The following EEIG1 variants were observed in gnomAD, a reference collection of about 807,000 sequenced individuals.
EEIG1 encodes early estrogen-induced gene 1 protein.
At chr9:127,974,540 T>G in the EEIG1 span, among the ~76,000 whole-genome samples, 1 of 152,220 alleles carries the variant, frequency 6.6e-6, no homozygotes, top group African/African-American at 2.4e-5. Context: ...AAGCTCTCCC[T>G]AACTCAGTGA....
the EEIG1 span, chr9:127,948,487 T>A: frequency 6.7e-7 from 1 of 1,487,346 alleles, no homozygotes; most frequent in Non-Finnish European, 9.4e-7. Flanking sequence ...CCCTGCAGCC[T>A]TTCGGCTCTG....
At chr9:127,953,688 G>A in the EEIG1 span, 1 of 1,605,810 alleles carries the variant, frequency 6.2e-7, no homozygotes, top group Non-Finnish European at 8.5e-7. Flanking sequence ...CCCCAGATCT[G>A]AGGGGAGGAG....
the EEIG1 span, among the ~76,000 whole-genome samples, chr9:127,963,538 C>T: frequency 6.6e-6 from 1 of 152,250 alleles, no homozygotes; most frequent in Non-Finnish European, 1.5e-5. Context: ...GTGGCCATCC[C>T]AGCAGTGGAA....
the EEIG1 span, among the ~76,000 whole-genome samples, chr9:127,980,916 G>C: frequency 6.7e-6 from 1 of 149,248 alleles, no homozygotes; most frequent in Non-Finnish European, 1.5e-5. Context: ...GGCACCCTTC[G>C]AGCAGCAGCG....
At chr9:127,946,042 G>A in the EEIG1 span, among the ~76,000 whole-genome samples, 1 of 152,232 alleles carries the variant, frequency 6.6e-6, no homozygotes, top group Non-Finnish European at 1.5e-5. Flanking sequence ...GCAGTGAGAG[G>A]TGCACAGCAG....
chr9:127,963,987 C>T, the EEIG1 span, among the ~76,000 whole-genome samples: 1 of 152,134 alleles, frequency 6.6e-6, no homozygotes, highest in East Asian at 1.9e-4. Context: ...GGACCTCAGG[C>T]AGTCAGCTGG....
chr9:127,953,322 G>A, the EEIG1 span: 1 of 552,570 alleles, frequency 1.8e-6, no homozygotes, highest in East Asian at 3.0e-5. Context: ...AAAGAGGCCT[G>A]GAGAGAGGAA....
the EEIG1 span, chr9:127,944,655 C>T: frequency 3.1e-6 from 5 of 1,612,578 alleles, no homozygotes; most frequent in Non-Finnish European, 3.4e-6. Flanking sequence ...GCAGAGCCAT[C>T]GCGGCTCACG....
the EEIG1 span, among the ~76,000 whole-genome samples, chr9:127,971,835 T>C: frequency 1.3e-5 from 2 of 152,136 alleles, no homozygotes; most frequent in African/African-American, 4.8e-5. Flanking sequence ...AGGAGGTGAC[T>C]CTTAGGCTGA....
the EEIG1 span, chr9:127,943,220 T>C: frequency 2.9e-5 from 47 of 1,614,046 alleles, no homozygotes; most frequent in Non-Finnish European, 3.7e-5. Context: ...AACTGGCTCG[T>C]AGACCCCAGA....
the EEIG1 span, among the ~76,000 whole-genome samples, chr9:127,956,572 G>A: frequency 1.0e-3 from 155 of 152,076 alleles, no homozygotes; most frequent in Non-Finnish European, 1.3e-3. Flanking sequence ...CACCAAGCTC[G>A]ACTAATTTTT....
chr9:127,955,451 C>T, the EEIG1 span, among the ~76,000 whole-genome samples: 3 of 152,264 alleles, frequency 2.0e-5, no homozygotes, highest in Non-Finnish European at 2.9e-5. Context: ...CTCAGGAGCC[C>T]GGGAAAGCCT....
chr9:127,974,314 G>T, the EEIG1 span, among the ~76,000 whole-genome samples: 1 of 152,142 alleles, frequency 6.6e-6, no homozygotes, highest in Non-Finnish European at 1.5e-5. Flanking sequence ...CCCCTGGGTA[G>T]GTACTCCTGA....
chr9:127,947,857 G>A, the EEIG1 span, among the ~76,000 whole-genome samples: 1 of 152,108 alleles, frequency 6.6e-6, no homozygotes, highest in African/African-American at 2.4e-5. Flanking sequence ...GGCCACATCA[G>A]TCTCAGTCCA....
chr9:127,961,529 G>A, the EEIG1 span, among the ~76,000 whole-genome samples: 1 of 152,160 alleles, frequency 6.6e-6, no homozygotes, highest in Non-Finnish European at 1.5e-5. Context: ...AAGGCTCTGG[G>A]AACACAAGCA....
the EEIG1 span, among the ~76,000 whole-genome samples, chr9:127,951,814 CAAA>C: frequency 1.8e-5 from 2 of 109,214 alleles, no homozygotes; most frequent in Non-Finnish European, 1.8e-5. Context: ...GACTCCATCT[CAAA>C]AAAAAAAAAA....
chr9:127,976,455 T>C, the EEIG1 span, among the ~76,000 whole-genome samples: 1 of 152,240 alleles, frequency 6.6e-6, no homozygotes, highest in African/African-American at 2.4e-5. The surrounding 1 kb of genome is among the most constrained non-coding windows in gnomAD (Gnocchi z 4.1). Context: ...AATTTCCGAA[T>C]TGCCATTTAC....
chr9:127,953,764 A>G, the EEIG1 span: 1 of 1,613,788 alleles, frequency 6.2e-7, no homozygotes, highest in Non-Finnish European at 8.5e-7. Flanking sequence ...GGAGGGGCCT[A>G]TAGCCCAGCC....
At chr9:127,970,676 G>C in the EEIG1 span, among the ~76,000 whole-genome samples, 1 of 152,108 alleles carries the variant, frequency 6.6e-6, no homozygotes, top group Non-Finnish European at 1.5e-5. Context: ...ATGTGACTCG[G>C]ATTCACAGCT....
Sources: gnomAD v4.1 joint callset for allele counts (sites outside exome capture counted in the v4.1 genomes callset) on GRCh38, gnomAD v4.1.1 for gene constraint, Gnocchi (gnomAD v3.1) non-coding constraint, MANE v1.5 for transcripts, NCBI Gene and HGNC (gene_info 2026-07-23, HGNC 2026-07-21) for gene names.